Variants in FREM1 observed in about 807,000 individuals in gnomAD.
FREM1 encodes the protein FRAS1-related extracellular matrix protein 1.
A neutral mutation model predicts 210.1 loss-of-function variants in FREM1; 220 were observed. That is an observed-to-expected ratio of 1.05 (90% CI 0.94 to 1.17). FREM1 has a LOEUF of 1.17. Among genes scored for constraint, FREM1 ranks in the 50% most tolerant of loss-of-function variants. FREM1 has a pLI of 0.00. For missense variants in FREM1, 3,454 were observed against 2,675.5 expected, an observed-to-expected ratio of 1.29 and a Z score of -6.42; for synonymous variants, 1,189 against 980.2, an observed-to-expected ratio of 1.21 and a Z score of -3.98.
In FREM1 at chr9:14,857,690, C is replaced by T. The variant is rs745911014; in HGVS notation, c.691G>A (p.Gly231Arg). 1.2e-6 allele frequency: 2 copies of T among 1,613,774 alleles called. No homozygotes were observed. Among genetic ancestry groups the T allele is most frequent in the South Asian group, 2.2e-5 (2 of 91,054 alleles). ...GSCTPGLKKI[G>R]SLKVSCEEFL... ...TCCTCACAGCTCACTTTGAGGCTTC[C>T]TATTTTCTTTAATCCTGGGGTACAG... Residue 231 changes from glycine to arginine, a missense_variant, in exon 5 of 37, where the codon GGA becomes AGA. Transcript: ENST00000380880.
chr9:14,885,006 G>C (rs975521604), intron 1 of FREM1, among the ~76,000 whole-genome samples: 10 of 117,492 alleles, frequency 8.5e-5, no homozygotes, highest in Non-Finnish European at 1.1e-4. Context: ...CTCACTGCAA[G>C]CTCCGCCTCC....
intron 25 of FREM1, among the ~76,000 whole-genome samples, chr9:14,772,559 G>T (rs1431087151): frequency 1.3e-5 from 2 of 152,118 alleles, no homozygotes; most frequent in Non-Finnish European, 2.9e-5. Context: ...TGGTTGTCAA[G>T]AATTTTTTTT....
At chr9:14,757,532 G>C (rs1844636976) in intron 28 of FREM1, among the ~76,000 whole-genome samples, 1 of 152,162 alleles carries the variant, frequency 6.6e-6, no homozygotes, top group Non-Finnish European at 1.5e-5. Context: ...TCCAGCCCGG[G>C]TGATAGAGTG....
At chr9:14,830,249 T>G (rs1321337795) in intron 10 of FREM1, among the ~76,000 whole-genome samples, 1 of 152,184 alleles carries the variant, frequency 6.6e-6, no homozygotes, top group Non-Finnish European at 1.5e-5. Flanking sequence ...ATTGTGAGCC[T>G]GAATATGAAG....
At chr9:14,803,599 G>A (rs1056257761) in intron 19 of FREM1, among the ~76,000 whole-genome samples, 4 of 151,980 alleles carry the variant, frequency 2.6e-5, no homozygotes, top group African/African-American at 9.7e-5. Context: ...GAACTCTTGG[G>A]CTCAAAGGAT....
intron 25 of FREM1, among the ~76,000 whole-genome samples, chr9:14,772,327 C>T (rs1057358550): frequency 6.6e-6 from 1 of 152,086 alleles, no homozygotes; most frequent in Admixed American, 6.6e-5. Flanking sequence ...TATAAACCAT[C>T]TCGACCTGAG....
intron 35 of FREM1, among the ~76,000 whole-genome samples, chr9:14,745,833 T>G (rs946081989): frequency 1.3e-5 from 2 of 152,262 alleles, no homozygotes; most frequent in Non-Finnish European, 2.9e-5. Flanking sequence ...CTTTATTGAA[T>G]GTTCTTTTAC....
intron 35 of FREM1, among the ~76,000 whole-genome samples, chr9:14,744,235 G>A (rs1009814857): frequency 2.6e-5 from 4 of 151,648 alleles, no homozygotes; most frequent in Non-Finnish European, 5.9e-5. Context: ...CATTTTATTC[G>A]CTTTAAAAAA....
chr9:14,845,314 C>CT (rs1026336700), intron 8 of FREM1, among the ~76,000 whole-genome samples: 8 of 151,246 alleles, frequency 5.3e-5, no homozygotes, highest in African/African-American at 1.2e-4. Context: ...TTTCTTTTTT[C>CT]TTTTTTTTGA....
chr9:14,825,547 G>GTGTGTGTGTGTATATATATATATATA, intron 10 of FREM1, among the ~76,000 whole-genome samples: 76 of 75,880 alleles, frequency 1.0e-3, no homozygotes, highest in Middle Eastern at 8.1e-3. Flanking sequence ...GTGTGTGTGT[G>GTGTGTGTGTGTATATATATATATATA]TATATATATA....
At chr9:14,843,172 C>A (rs954494828) in intron 8 of FREM1, among the ~76,000 whole-genome samples, 2 of 152,160 alleles carry the variant, frequency 1.3e-5, no homozygotes, top group Non-Finnish European at 1.5e-5. Context: ...GACTTCCTTC[C>A]ATCTTCTTCC....
rs187364851 is a variant in FREM1 at position 14,756,256 on chromosome 9, G to A, written c.5407+118C>T. On this transcript the variant is annotated intron_variant, in intron 29 of 36. Transcript: ENST00000380880. Reference sequence around the variant, plus strand: ...AGAGTGAGGTGGTATGGCTCCCTGAGGAGTTTCTAGTTGGCTAAAGTTGTG... The same window carrying A: ...AGAGTGAGGTGGTATGGCTCCCTGAAGAGTTTCTAGTTGGCTAAAGTTGTG... The A allele has an allele frequency of 3.3e-3, 2,323 of 714,224 alleles. 10 individuals carry two copies. The highest frequency in any genetic ancestry group is 0.011 in the Middle Eastern group (45 of 4,242). 44.2% of individuals were successfully genotyped at this position (714,224 alleles called of 1,614,324 possible).
rs781386963 is a variant in FREM1, at chr9:14,801,873, A to G, written c.3473T>C (p.Val1158Ala). 6.2e-7 allele frequency: 1 copy of G among 1,606,328 alleles called. No individual in the cohort carries two copies. The highest frequency in any genetic ancestry group is 8.5e-7 in the Non-Finnish European group (1 of 1,175,172). ...CAGCTCTTTCATCTGACCCTCACAC[A>G]CCTGAGCAAGAACACATGAGAAAAG... ...APDFVVQNIT[V>A]CEGQMKELDS... The change falls in exon 20 of 37, where the codon GTG becomes GCG. Residue 1158 changes from valine (V) to alanine (A), a missense_variant and splice_region_variant. Transcript: ENST00000380880.
At chr9:14,800,237 G>A (rs964471627) in intron 20 of FREM1, among the ~76,000 whole-genome samples, 2 of 152,038 alleles carry the variant, frequency 1.3e-5, no homozygotes, top group African/African-American at 4.8e-5. Flanking sequence ...CCTTGGGTGG[G>A]GCTCAAGCAG....
chr9:14,808,068 C>T lies in FREM1; in HGVS notation c.2960G>A (p.Gly987Asp), dbSNP rs1818705586. 5 of 1,613,442 alleles carry T rather than the reference C, an allele frequency of 3.1e-6. No individual in the cohort carries two copies. Among genetic ancestry groups the T allele is most frequent in the South Asian group, 1.1e-5 (1 of 90,956 alleles). ...ITLVVSDGEA[G>D]PFVNGCCYNG... ...GTAGCAACAGCCATTCACAAAAGGG[C>T]CAGCCTCTCCATCCGAAACCACCAA... The change falls in exon 17 of 37, where the codon GGC (glycine) becomes GAC (aspartate). Residue 987 changes from glycine to aspartate, a missense_variant. By Grantham distance (94) the Gly-to-Asp change is moderately conservative. Coordinates refer to ENST00000380880, the MANE Select transcript of FREM1 (RefSeq NM_001379081.2).
rs1587846304 is a variant in FREM1, at chr9:14,770,481, C to T, written c.5059+124G>A. The T allele has an allele frequency of 1.0e-5, 7 of 666,958 alleles. No individual in the cohort carries two copies. The East Asian group carries it at 1.1e-4, about 10-fold the overall frequency. The allele number at this position is 666,958 out of a possible 1,614,324, so 41.3% of individuals were successfully genotyped here. On this transcript the variant is annotated intron_variant, in intron 26 of 36. Coordinates refer to ENST00000380880, the MANE Select transcript of FREM1 (RefSeq NM_001379081.2). ...AGGAGCAATATTGATTTATAAACTGCATCTATCAGTAAGCCCTGGGGAGTG... is the reference window on the plus strand; with the variant it reads ...AGGAGCAATATTGATTTATAAACTGTATCTATCAGTAAGCCCTGGGGAGTG...
intron 27 of FREM1, among the ~76,000 whole-genome samples, chr9:14,766,944 A>G (rs1280229743): frequency 1.3e-5 from 2 of 152,222 alleles, no homozygotes; most frequent in Non-Finnish European, 2.9e-5. Flanking sequence ...TTCTTCAGTC[A>G]ATTATTGTAC....
intron 28 of FREM1, among the ~76,000 whole-genome samples, chr9:14,758,823 A>G (rs905374348): frequency 3.3e-5 from 5 of 152,222 alleles, no homozygotes; most frequent in Non-Finnish European, 7.3e-5. Context: ...GTTGTGCTTC[A>G]TGGGTCACAT....
chr9:14,894,850 T>A (rs188306269), intron 1 of FREM1, among the ~76,000 whole-genome samples: 1 of 152,346 alleles, frequency 6.6e-6, no homozygotes, highest in East Asian at 1.9e-4. Flanking sequence ...CTGTTTTCTT[T>A]TGTAACAGGA....
Sources: allele counts gnomAD v4.1 joint callset (sites outside exome capture counted in the v4.1 genomes callset), GRCh38; gene constraint gnomAD v4.1.1; transcripts MANE v1.5; gene names NCBI Gene and HGNC (gene_info 2026-07-23, HGNC 2026-07-21).